Variants in HPSE2 observed in about 807,000 individuals in gnomAD.
HPSE2 encodes the protein heparanase 2 (inactive), also known as inactive heparanase-2.
In HPSE2, 38 loss-of-function variants were observed where a neutral mutation model predicts 60.5. The ratio of observed to expected loss-of-function variants is 0.63; its 90% CI spans 0.48 to 0.82. The LOEUF is 0.82. HPSE2 is among the 40% of genes least tolerant of loss of function. The pLI is 0.00. For missense variants in HPSE2, 713 were observed against 740.4 expected (o/e 0.96, Z 0.43); for synonymous variants, 295 against 293.2 (o/e 1.01, Z -0.06).
In HPSE2 at chr10:98,873,574, G is replaced by A. The variant is rs181214965; in HGVS notation, c.611-129518C>T. On this transcript the variant is annotated intron_variant, in intron 3 of 11. Transcript: ENST00000370552. ...ATGCATCGAATACTGCATAGTATTC[G>A]ATGGTATTTATGTACCACTTTTTCT... Among the ~76,000 whole-genome samples, 20 of 152,066 alleles carry A rather than the reference G, an allele frequency of 1.3e-4. 1 individual carries two copies. The East Asian group carries it at 1.9e-3, about 15-fold the overall frequency.
At chr10:98,812,807 GTCTCT>G (rs1951198570) in intron 3 of HPSE2, among the ~76,000 whole-genome samples, 1 of 152,016 alleles carries the variant, frequency 6.6e-6, no homozygotes, top group Non-Finnish European at 1.5e-5. Flanking sequence ...CTCAAACTTT[GTCTCT>G]TCTTTTTTTT....
chr10:99,033,781 T>C (rs1957550314), intron 3 of HPSE2, among the ~76,000 whole-genome samples: 1 of 148,034 alleles, frequency 6.8e-6, no homozygotes, highest in Non-Finnish European at 1.5e-5. Flanking sequence ...AGACTCCGTC[T>C]CAAAAAAAAA....
At chr10:98,612,915 A>G (rs1361003785) in intron 9 of HPSE2, among the ~76,000 whole-genome samples, 1 of 151,986 alleles carries the variant, frequency 6.6e-6, no homozygotes, top group Non-Finnish European at 1.5e-5. Flanking sequence ...CCTCATTTCC[A>G]ACCTCTCCCC....
Position 99,232,488 on chromosome 10 carries a change from G to A in HPSE2, c.308C>T (p.Thr103Ile). The A allele has an allele frequency of 6.4e-7, 1 of 1,555,236 alleles. No individual in the cohort carries two copies. The highest frequency in any genetic ancestry group is 8.7e-7 in the Non-Finnish European group (1 of 1,149,662). ...GGCGGGCGAAAGTCCCCGGGCCAGG[G>A]TCACCAAGCGCTTGGAGCTGCAGAG... ...LDFLSSKRLV[T>I]LARGLSPAFL... is the part of the protein sequence containing the mutation. The change falls in exon 2 of 12, where the codon ACC (threonine) becomes ATC (isoleucine). Residue 103 changes from threonine to isoleucine, a missense_variant. Physicochemically the swap from Thr to Ile is moderately conservative, Grantham distance 89 (BLOSUM62 -1). Coordinates refer to ENST00000370552, the MANE Select transcript of HPSE2 (RefSeq NM_021828.5).
At chr10:99,261,991 G>C in the HPSE2 span, among the ~76,000 whole-genome samples, 1 of 152,182 alleles carries the variant, frequency 6.6e-6, no homozygotes. Context: ...GCCACTCCCA[G>C]AGCCCCTGGA....
chr10:98,494,299 G>T (rs1181839204), intron 9 of HPSE2, among the ~76,000 whole-genome samples: 1 of 152,130 alleles, frequency 6.6e-6, no homozygotes, highest in African/African-American at 2.4e-5. Flanking sequence ...TGGCTGGAAC[G>T]GGACCTCACA....
chr10:98,957,200 CAT>C (rs903661165), intron 3 of HPSE2, among the ~76,000 whole-genome samples: 1 of 152,180 alleles, frequency 6.6e-6, no homozygotes, highest in African/African-American at 2.4e-5. Flanking sequence ...ACCAGCTGCA[CAT>C]GTCTTTACAC....
chr10:99,278,198 ATGT>A, the HPSE2 span, among the ~76,000 whole-genome samples: 252 of 152,218 alleles, frequency 1.7e-3, no homozygotes, highest in South Asian at 0.014. Context: ...AGTAATATGC[ATGT>A]GAAAAAAAAG....
chr10:98,717,046 G>A (rs1387000793), intron 5 of HPSE2, among the ~76,000 whole-genome samples: 4 of 152,150 alleles, frequency 2.6e-5, no homozygotes, highest in South Asian at 2.1e-4. Context: ...TATCTAAGTT[G>A]CATCTTCTGT....
chr10:99,035,195 C>T (rs1474058730), intron 3 of HPSE2, among the ~76,000 whole-genome samples: 1 of 152,172 alleles, frequency 6.6e-6, no homozygotes, highest in Non-Finnish European at 1.5e-5. Flanking sequence ...TGTAATAGCA[C>T]TTAGCTTAAA....
chr10:98,966,871 T>A (rs1342766495), intron 3 of HPSE2, among the ~76,000 whole-genome samples: 2 of 152,210 alleles, frequency 1.3e-5, no homozygotes, highest in South Asian at 2.1e-4. Flanking sequence ...TTTATGCATA[T>A]AACAAAACTT....
chr10:99,004,000 G>C (rs1369066515), intron 3 of HPSE2, among the ~76,000 whole-genome samples: 1 of 151,970 alleles, frequency 6.6e-6, no homozygotes, highest in African/African-American at 2.4e-5. Flanking sequence ...TTTCATTCTA[G>C]TGCATGTGGA....
At chr10:98,727,393 G>A (rs1949113682) in intron 4 of HPSE2, among the ~76,000 whole-genome samples, 1 of 152,186 alleles carries the variant, frequency 6.6e-6, no homozygotes, top group South Asian at 2.1e-4. Context: ...GCTCATGCCT[G>A]TAATCCCAGC....
intron 2 of HPSE2, among the ~76,000 whole-genome samples, chr10:99,164,246 TATATA>T (rs1277473014): frequency 2.2e-5 from 2 of 92,978 alleles, no homozygotes; most frequent in Non-Finnish European, 4.3e-5. Context: ...TATATATATA[TATATA>T]TATATATATA....
intron 9 of HPSE2, among the ~76,000 whole-genome samples, chr10:98,600,891 A>C (rs1174626492): frequency 2.1e-5 from 1 of 46,870 alleles, no homozygotes; most frequent in Non-Finnish European, 5.4e-5. Flanking sequence ...ATACATATAT[A>C]CGTATATATA....
rs1334650594 is a variant in HPSE2 at position 98,961,550 on chromosome 10, G to C, written c.610+182688C>G. On this transcript the variant is annotated intron_variant, in intron 3 of 11. Coordinates refer to ENST00000370552, the MANE Select transcript of HPSE2 (RefSeq NM_021828.5). ...CTGCATAAATGTCTTCTTTTGAGAA[G>C]TGTCTGTTCATGTCCTTCGCCCACT... Among the ~76,000 whole-genome samples, 3 of 57,036 alleles carry C rather than the reference G, an allele frequency of 5.3e-5. No individual in the cohort carries two copies. In the East Asian group the frequency reaches 2.1e-3, roughly 41 times the overall value. 37.4% of individuals were successfully genotyped at this position (57,036 alleles called of 152,430 possible).
intron 3 of HPSE2, among the ~76,000 whole-genome samples, chr10:98,820,075 G>A (rs961932039): frequency 6.6e-5 from 10 of 151,974 alleles, no homozygotes; most frequent in African/African-American, 2.4e-4. Context: ...GACACTGGGA[G>A]TCAAATTTTA....
intron 3 of HPSE2, among the ~76,000 whole-genome samples, chr10:98,756,905 T>A (rs1284634151): frequency 1.3e-5 from 2 of 152,098 alleles, no homozygotes; most frequent in Non-Finnish European, 2.9e-5. Flanking sequence ...ATGTCTCTAA[T>A]GAACATAGAT....
At chr10:98,621,539 A>C (rs1294270158) in intron 7 of HPSE2, among the ~76,000 whole-genome samples, 2 of 152,190 alleles carry the variant, frequency 1.3e-5, no homozygotes, top group African/African-American at 4.8e-5. Context: ...AAGGAGCAGG[A>C]ATGAGGGACT....
Sources: gnomAD v4.1 joint callset for allele counts (sites outside exome capture counted in the v4.1 genomes callset) on GRCh38, gnomAD v4.1.1 for gene constraint, MANE v1.5 for transcripts, NCBI Gene and HGNC (gene_info 2026-07-23, HGNC 2026-07-21) for gene names.